ST6GALNAC3: variants seen among roughly 807,000 people sequenced by gnomAD.
ST6GALNAC3 encodes ST6 N-acetylgalactosaminide alpha-2,6-sialyltransferase 3.
Under a neutral mutation model 32.7 loss-of-function variants are expected in ST6GALNAC3, and 25 were observed. The observed-to-expected ratio is 0.76, with a 90% CI of 0.56 to 1.07. The LOEUF (loss-of-function observed/expected upper bound fraction) is 1.07. Among genes scored for constraint, ST6GALNAC3 ranks in the 50% least tolerant of loss-of-function variants. ST6GALNAC3 has a pLI of 0.00. For synonymous variants in ST6GALNAC3, 129 were observed against 133.1 expected (o/e 0.97, Z 0.21); for missense variants, 355 against 382.4 (o/e 0.93, Z 0.60).
intron 1 of ST6GALNAC3, among the ~76,000 whole-genome samples, chr1:76,161,725 C>G (rs1651824441): frequency 1.3e-5 from 2 of 152,240 alleles, no homozygotes; most frequent in African/African-American, 4.8e-5. Context: ...GCTCTCCTAA[C>G]TCTGGCTTGC....
chr1:76,328,625 A>G (rs1429036560), intron 2 of ST6GALNAC3, among the ~76,000 whole-genome samples: 1 of 152,230 alleles, frequency 6.6e-6, no homozygotes, highest in African/African-American at 2.4e-5. Context: ...TCTTGAAATA[A>G]TATGAGCTTT....
At chr1:76,278,361 A>G (rs1396934671) in intron 1 of ST6GALNAC3, among the ~76,000 whole-genome samples, 2 of 151,804 alleles carry the variant, frequency 1.3e-5, no homozygotes, top group Non-Finnish European at 2.9e-5. Flanking sequence ...AGCTGGGACT[A>G]CAGGGGCCCG....
intron 3 of ST6GALNAC3, among the ~76,000 whole-genome samples, chr1:76,580,110 G>A (rs555459459): frequency 6.6e-6 from 1 of 152,000 alleles, no homozygotes; most frequent in Non-Finnish European, 1.5e-5. Flanking sequence ...ATTATCATTA[G>A]TTCCCTACAG....
intron 3 of ST6GALNAC3, among the ~76,000 whole-genome samples, chr1:76,455,602 A>T (rs1280475568): frequency 6.6e-6 from 1 of 152,070 alleles, no homozygotes; most frequent in Non-Finnish European, 1.5e-5. Context: ...CAAGTTGAAA[A>T]CCAATTCTCC....
At chr1:76,290,313 G>A (rs1037970545) in intron 1 of ST6GALNAC3, among the ~76,000 whole-genome samples, 28 of 151,776 alleles carry the variant, frequency 1.8e-4, no homozygotes, top group African/African-American at 6.8e-4. Flanking sequence ...CAAACTATAT[G>A]TAATTTTCTA....
intron 1 of ST6GALNAC3, among the ~76,000 whole-genome samples, chr1:76,192,312 C>T (rs556014538): frequency 6.6e-6 from 1 of 152,262 alleles, no homozygotes; most frequent in South Asian, 2.1e-4. Flanking sequence ...GAAAACATGA[C>T]AAATTTTGCC....
chr1:76,381,921 A>C (rs1376082042), intron 2 of ST6GALNAC3, among the ~76,000 whole-genome samples: 1 of 152,192 alleles, frequency 6.6e-6, no homozygotes, highest in African/African-American at 2.4e-5. Flanking sequence ...AGAAGCCAAG[A>C]AGAATGCAGT....
intron 3 of ST6GALNAC3, among the ~76,000 whole-genome samples, chr1:76,516,568 C>G (rs1329690940): frequency 6.6e-6 from 1 of 152,180 alleles, no homozygotes; most frequent in East Asian, 1.9e-4. Context: ...TACACTCTGA[C>G]AGATAGCTTC....
chr1:76,430,500 G>C (rs1387464343), intron 3 of ST6GALNAC3, among the ~76,000 whole-genome samples: 1 of 152,152 alleles, frequency 6.6e-6, no homozygotes, highest in Non-Finnish European at 1.5e-5. Flanking sequence ...TGCTGACCCT[G>C]TTTCTCAGCT....
At chr1:76,265,223 T>G (rs1658460860) in intron 1 of ST6GALNAC3, among the ~76,000 whole-genome samples, 1 of 152,190 alleles carries the variant, frequency 6.6e-6, no homozygotes, top group African/African-American at 2.4e-5. Context: ...CCTCTTTTTA[T>G]GGCACAATTA....
intron 1 of ST6GALNAC3, among the ~76,000 whole-genome samples, chr1:76,225,959 T>A (rs1169778230): frequency 6.6e-6 from 1 of 152,210 alleles, no homozygotes; most frequent in Non-Finnish European, 1.5e-5. Context: ...TCTTTAATGT[T>A]ATTTTTGCAT....
Position 76,252,455 on chromosome 1 carries a change from C to T in ST6GALNAC3, c.19-61350C>T, listed in dbSNP as rs1038599047. Among the ~76,000 whole-genome samples, 9 of 152,154 alleles carry T rather than the reference C, an allele frequency of 5.9e-5. No homozygotes were observed. The East Asian group carries it at 9.6e-4, about 16-fold the overall frequency. ...CCAAGTGGGAGCTATTTCATGTTTACGTTTAAAAAAGTGTGTATCTGTTAT... is the reference window on the plus strand; with the variant it reads ...CCAAGTGGGAGCTATTTCATGTTTATGTTTAAAAAAGTGTGTATCTGTTAT... On this transcript the variant is annotated intron_variant, in intron 1 of 4. Transcript: ENST00000328299.
intron 3 of ST6GALNAC3, among the ~76,000 whole-genome samples, chr1:76,481,596 C>T (rs1383872854): frequency 2.6e-5 from 4 of 152,018 alleles, no homozygotes; most frequent in Non-Finnish European, 4.4e-5. Context: ...TAACAGTATC[C>T]CAAATGTGCA....
At chr1:76,150,420 T>C (rs1409171828) in intron 1 of ST6GALNAC3, among the ~76,000 whole-genome samples, 1 of 152,242 alleles carries the variant, frequency 6.6e-6, no homozygotes, top group East Asian at 1.9e-4. Flanking sequence ...AATCCATGAA[T>C]GGGGCTAGGT....
intron 1 of ST6GALNAC3, among the ~76,000 whole-genome samples, chr1:76,239,426 G>T (rs964338892): frequency 1.3e-5 from 2 of 152,070 alleles, no homozygotes; most frequent in Admixed American, 1.3e-4. Flanking sequence ...TTTGGCTCGT[G>T]ATTTTGCAGA....
intron 1 of ST6GALNAC3, among the ~76,000 whole-genome samples, chr1:76,229,899 C>A (rs1184155964): frequency 6.6e-6 from 1 of 152,152 alleles, no homozygotes; most frequent in Non-Finnish European, 1.5e-5. Flanking sequence ...AGCAGAGGGG[C>A]CTCTTTGCAA....
At chr1:76,502,883 A>T (rs901830473) in intron 3 of ST6GALNAC3, among the ~76,000 whole-genome samples, 1 of 152,206 alleles carries the variant, frequency 6.6e-6, no homozygotes, top group South Asian at 2.1e-4. Flanking sequence ...ACAAAAGTTA[A>T]TAAGTGAGAA....
chr1:76,116,809 G>A (rs1421832891), intron 1 of ST6GALNAC3, among the ~76,000 whole-genome samples: 3 of 152,172 alleles, frequency 2.0e-5, no homozygotes, highest in Non-Finnish European at 4.4e-5. Context: ...GCATGTGCCT[G>A]TAATCCCAGC....
At chr1:76,311,718 GT>G (rs1646767011) in intron 1 of ST6GALNAC3, among the ~76,000 whole-genome samples, 1 of 152,094 alleles carries the variant, frequency 6.6e-6, no homozygotes, top group South Asian at 2.1e-4. Flanking sequence ...CTTTGCTATT[GT>G]GAATGGTGCT....
Sources: allele counts gnomAD v4.1 joint callset (sites outside exome capture counted in the v4.1 genomes callset), GRCh38; gene constraint gnomAD v4.1.1; transcripts MANE v1.5; gene names NCBI Gene and HGNC (gene_info 2026-07-23, HGNC 2026-07-21).